Variants in TUT4 observed in about 807,000 individuals in gnomAD.
TUT4 encodes terminal uridylyl transferase 4.
A neutral mutation model predicts 192.2 loss-of-function variants in TUT4; 36 were observed. The observed-to-expected ratio is 0.19, with a 90% CI of 0.14 to 0.25. The LOEUF (loss-of-function observed/expected upper bound fraction) is 0.25. Among genes scored for constraint, TUT4 ranks in the 10% least tolerant of loss-of-function variants. TUT4 has a pLI of 1.00. For missense variants in TUT4, 1,493 were observed against 1,957.2 expected (o/e 0.76, Z 4.47); for synonymous variants, 618 against 666.0 (o/e 0.93, Z 1.11).
At chr1:52,433,151 C>T (rs1203369595) in intron 27 of TUT4, 1 of 152,084 alleles carries the variant, frequency 6.6e-6, no homozygotes, top group African/African-American at 2.4e-5. Flanking sequence ...ACATTGCAAT[C>T]TCCGCCTCCT....
At chr1:52,425,324 T>C (rs1345556976) in intron 29 of TUT4, 25 bp downstream of exon 29, 1 of 1,606,566 alleles carries the variant, frequency 6.2e-7, no homozygotes, top group Non-Finnish European at 8.5e-7. Context: ...CCCAAGCCTG[T>C]TAACTAATTT....
intron 4 of TUT4, 87 bp downstream of exon 4, chr1:52,509,509 T>G (rs112171785): frequency 1.2e-6 from 1 of 830,642 alleles, no homozygotes; most frequent in African/African-American, 1.7e-5. Context: ...GGACAAATAT[T>G]TCATTTTTAG....
chr1:52,475,353 C>A lies in TUT4; in HGVS notation c.2206G>T (p.Val736Phe), dbSNP rs759229374. Residue 736 changes from valine (V) to phenylalanine (F), a missense_variant, in exon 13 of 30, where the codon GTC becomes TTC. Physicochemically the swap from Val to Phe is conservative, Grantham distance 50. Transcript: ENST00000257177. ...TTGGTTGCCATATTGTTCGACTTGA[C>A]TGGTTTCTTATTGCTTATTTTCCCC... ...EKGKISNKKP[V>F]KSNNMATNGC... The A allele has an allele frequency of 2.5e-6, 4 of 1,614,148 alleles. No homozygotes were observed. In the South Asian group the frequency reaches 4.4e-5, roughly 18 times the overall value.
At chr1:52,424,099 T>C in intron 29 of TUT4, 97 bp from the exon 30 acceptor site, 6 of 1,256,002 alleles carry the variant, frequency 4.8e-6, no homozygotes, top group Non-Finnish European at 5.6e-6. Context: ...TTTTTTTCTA[T>C]TTATATAATA....
chr1:52,490,506 T>C (rs1341555235), intron 8 of TUT4, among the ~76,000 whole-genome samples: 2 of 151,492 alleles, frequency 1.3e-5, no homozygotes, highest in Non-Finnish European at 2.9e-5. Flanking sequence ...AAAAAAAAAA[T>C]TGAAGTTTTG....
At chr1:52,527,974 C>T (rs144543585) in intron 1 of TUT4, among the ~76,000 whole-genome samples, 9,139 of 151,644 alleles carry the variant, frequency 0.06, 303 homozygotes, top group South Asian at 0.085. Flanking sequence ...GTCAGGAGTT[C>T]GAGACCAGCC....
intron 20 of TUT4, among the ~76,000 whole-genome samples, chr1:52,452,508 A>C (rs1659728002): frequency 6.6e-6 from 1 of 152,192 alleles, no homozygotes; most frequent in African/African-American, 2.4e-5. Flanking sequence ...TGGGGAGCGG[A>C]GAAGGGCTAA....
chr1:52,492,587 G>A (rs930720371), intron 7 of TUT4, among the ~76,000 whole-genome samples: 1 of 152,132 alleles, frequency 6.6e-6, no homozygotes, highest in African/African-American at 2.4e-5. Flanking sequence ...TTTGTCAAAG[G>A]ACACACAACC....
At chr1:52,467,902 G>T (rs1308321776) in intron 15 of TUT4, among the ~76,000 whole-genome samples, 2 of 152,030 alleles carry the variant, frequency 1.3e-5, no homozygotes, top group Non-Finnish European at 2.9e-5. Context: ...TATGAGAGAG[G>T]CCTATCATAA....
Position 52,431,329 on chromosome 1 carries a change from T to A in TUT4, c.4395A>T (p.Gln1465His). 2 of 1,613,992 alleles carry A rather than the reference T, an allele frequency of 1.2e-6. No homozygotes were observed. The highest frequency in any genetic ancestry group is 1.7e-6 in the Non-Finnish European group (2 of 1,179,994). Residue 1465 changes from glutamine (Q) to histidine (H), a missense_variant, in exon 28 of 30, where the codon CAA becomes CAT. By Grantham distance (24) the Gln-to-His change is conservative. Around this residue, in one of 7 missense-constraint regions of TUT4, gnomAD observed 351 missense variants for 397.8 expected, o/e 0.88. Transcript: ENST00000257177. Reference protein sequence around the residue: ...PKLGPPQQGAQPPHQVQMPLY... With the variant: ...PKLGPPQQGAHPPHQVQMPLY... ...GTGGCATCTGGACCTGATGGGGAGGTTGGGCTCCCTGCTGAGGTGGGCCAA... is the reference window on the plus strand; with the variant it reads ...GTGGCATCTGGACCTGATGGGGAGGATGGGCTCCCTGCTGAGGTGGGCCAA...
chr1:52,434,024 ATACTTTTCTG>A (rs1652961151), intron 27 of TUT4: 1 of 152,238 alleles, frequency 6.6e-6, no homozygotes, highest in Non-Finnish European at 1.5e-5. Flanking sequence ...TTTATTTTCT[ATACTTTTCTG>A]TACTTTTGAA....
chr1:52,454,519 T>A (rs565209143), intron 20 of TUT4, among the ~76,000 whole-genome samples: 1 of 152,106 alleles, frequency 6.6e-6, no homozygotes. Context: ...CAAATGAACA[T>A]CCACACGCAA....
intron 1 of TUT4, among the ~76,000 whole-genome samples, chr1:52,530,873 T>A (rs1035009560): frequency 6.6e-6 from 1 of 151,976 alleles, no homozygotes; most frequent in African/African-American, 2.4e-5. Context: ...TGTGGTGGTA[T>A]GCGCCTGTAG....
chr1:52,435,252 G>C, intron 27 of TUT4, 113 bp downstream of exon 27: 1 of 772,572 alleles, frequency 1.3e-6, no homozygotes, highest in South Asian at 1.9e-5. Flanking sequence ...TATATACAAA[G>C]CACTGTGTAA....
chr1:52,517,048 A>G (rs781626846), intron 2 of TUT4, among the ~76,000 whole-genome samples: 1 of 152,204 alleles, frequency 6.6e-6, no homozygotes, highest in Non-Finnish European at 1.5e-5. Context: ...TCAAGTCTCA[A>G]TATCTTTACA....
chr1:52,447,038 A>T (rs1657721565), intron 20 of TUT4, among the ~76,000 whole-genome samples: 1 of 152,236 alleles, frequency 6.6e-6, no homozygotes, highest in African/African-American at 2.4e-5. Context: ...AAAATAGATA[A>T]TACCCACTGA....
chr1:52,543,132 C>T (rs1283616096), intron 1 of TUT4, among the ~76,000 whole-genome samples: 1 of 152,062 alleles, frequency 6.6e-6, no homozygotes, highest in African/African-American at 2.4e-5. Context: ...AAACGCATCT[C>T]AATTGGAAAA....
At position 52,445,873 on chromosome 1, in the gene TUT4, T is replaced by G; in HGVS notation, c.3740-4A>C. On this transcript the variant is annotated splice_region_variant and splice_polypyrimidine_tract_variant and intron_variant, in intron 23 of 29. Transcript: ENST00000257177. ...GCTTTCATGATGAAATTGGTCACTATTAAAGAAAGAAGAAAACAATAAAGA... is the reference window on the plus strand; with the variant it reads ...GCTTTCATGATGAAATTGGTCACTAGTAAAGAAAGAAGAAAACAATAAAGA... 6.2e-7 allele frequency: 1 copy of G among 1,608,926 alleles called. No homozygotes were observed. Among genetic ancestry groups the G allele is most frequent in the Non-Finnish European group, 8.5e-7 (1 of 1,177,884 alleles).
chr1:52,521,399 T>C (rs762403716), intron 2 of TUT4, among the ~76,000 whole-genome samples: 12 of 152,180 alleles, frequency 7.9e-5, no homozygotes, highest in Non-Finnish European at 1.3e-4. Context: ...GTATGGTAGC[T>C]CATGCCTATA....
Sources: allele counts gnomAD v4.1 joint callset (sites outside exome capture counted in the v4.1 genomes callset), GRCh38; gene constraint gnomAD v4.1.1; regional missense constraint gnomAD v4.1.1; transcripts MANE v1.5; gene names NCBI Gene and HGNC (gene_info 2026-07-23, HGNC 2026-07-21).